Variants in ZPLD1 observed in about 807,000 individuals in gnomAD.
ZPLD1 encodes the protein zona pellucida-like domain-containing protein 1.
Under a neutral mutation model 47.2 loss-of-function variants are expected in ZPLD1, and 34 were observed. That is an observed-to-expected ratio of 0.72 (90% CI 0.55 to 0.96). ZPLD1 has a LOEUF of 0.96. Ranked by LOEUF, ZPLD1 falls within the 40% of genes least tolerant of loss-of-function variation. The probability of loss-of-function intolerance (pLI) is 0.00; values close to 1 mark genes in which losing one functional copy is unlikely to be tolerated. For synonymous variants in ZPLD1, 176 were observed against 186.2 expected (o/e 0.95, Z 0.45); for missense variants, 512 against 505.8 (o/e 1.01, Z -0.12).
At chr3:102,414,232 G>A (rs1706778929) in intron 7 of ZPLD1, among the ~76,000 whole-genome samples, 2 of 151,862 alleles carry the variant, frequency 1.3e-5, no homozygotes, top group African/African-American at 4.8e-5. Flanking sequence ...TGTATTGAAA[G>A]TATAGCAGTA....
chr3:102,412,508 G>T (rs1442120870), intron 7 of ZPLD1, among the ~76,000 whole-genome samples: 1 of 151,762 alleles, frequency 6.6e-6, no homozygotes. Flanking sequence ...AAGAATGATT[G>T]AAGGAACTTA....
chr3:102,403,795 C>A (rs912312976), intron 7 of ZPLD1, among the ~76,000 whole-genome samples: 1 of 151,808 alleles, frequency 6.6e-6, no homozygotes, highest in Non-Finnish European at 1.5e-5. Context: ...GAGTAACAGG[C>A]GGTGTGAATT....
chr3:102,467,663 A>G (rs545397207), intron 8 of ZPLD1, among the ~76,000 whole-genome samples: 16 of 152,246 alleles, frequency 1.1e-4, no homozygotes, highest in Admixed American at 8.5e-4. Flanking sequence ...AATATACCAT[A>G]ATAAAACCTA....
chr3:102,434,664 T>A (rs1707059257), upstream of ZPLD1, among the ~76,000 whole-genome samples: 1 of 152,178 alleles, frequency 6.6e-6, no homozygotes, highest in Non-Finnish European at 1.5e-5. Context: ...GCCATTATCA[T>A]CTCAGACTGT....
chr3:102,438,563 T>C lies in ZPLD1; in HGVS notation c.76T>C (p.Cys26Arg). ...GTCTGCTCAGTTCAACGGCTACAAC[T>C]GTGATGCCAACCTCCACAGTAGATT... ...PGSAQFNGYN[C>R]DANLHSRFPA... Residue 26 changes from cysteine (C) to arginine (R), a missense_variant, in exon 3 of 12, where the codon TGT becomes CGT. Transcript: ENST00000466937. The C allele has an allele frequency of 6.2e-7, 1 of 1,613,872 alleles. No individual in the cohort carries two copies. The highest frequency in any genetic ancestry group is 8.5e-7 in the Non-Finnish European group (1 of 1,179,760).
chr3:102,479,423 T>A lies in ZPLD1; in HGVS notation c.*1805T>A, dbSNP rs1389810344. On this transcript the variant is annotated 3_prime_UTR_variant, in exon 12 of 12. Transcript: ENST00000466937. ...ATTAAGTTCTGTGAATAGGACATTA[T>A]ATCATTTAAGCTGTTTTGTCAATTT... is the stretch of plus-strand genomic sequence containing the variant. 6.6e-6 allele frequency: 1 copy of A among 152,212 alleles called. No individual in the cohort carries two copies. The highest frequency in any genetic ancestry group is 2.4e-5 in the African/African-American group (1 of 41,464). 9.4% of individuals were successfully genotyped at this position (152,212 alleles called of 1,614,324 possible).
chr3:102,477,759 A>T lies in ZPLD1; in HGVS notation c.*141A>T. The T allele has an allele frequency of 1.3e-6, 1 of 764,276 alleles. No homozygotes were observed. Among genetic ancestry groups the T allele is most frequent in the East Asian group, 3.0e-5 (1 of 33,222 alleles). 47.3% of individuals were successfully genotyped at this position (764,276 alleles called of 1,614,324 possible). A position where few individuals can be genotyped will look rare whatever the true frequency, so the allele number is the denominator to read the frequency against. ...AAATTTCACAGTATAGCTTGTCAGCATAATGATAGTGAAAGAAGTTTATTA... is the reference window on the plus strand; with the variant it reads ...AAATTTCACAGTATAGCTTGTCAGCTTAATGATAGTGAAAGAAGTTTATTA... On this transcript the variant is annotated 3_prime_UTR_variant, in exon 12 of 12. Transcript: ENST00000466937.
chr3:102,453,285 C>T, intron 4 of ZPLD1, 146 bp downstream of exon 4: 1 of 726,436 alleles, frequency 1.4e-6, no homozygotes. Context: ...TTGAGGCATG[C>T]ACTAGCAAAT....
chr3:102,425,287 A>T (rs1387273921), intron 8 of ZPLD1, among the ~76,000 whole-genome samples: 1 of 152,094 alleles, frequency 6.6e-6, no homozygotes, highest in Non-Finnish European at 1.5e-5. Flanking sequence ...TGCCATGATG[A>T]ATCTTGGTTT....
At chr3:102,427,105 G>T (rs2107311095) in intron 8 of ZPLD1, among the ~76,000 whole-genome samples, 1 of 152,194 alleles carries the variant, frequency 6.6e-6, no homozygotes, top group African/African-American at 2.4e-5. Flanking sequence ...GAACAGGGGT[G>T]AAAATGTGTT....
In ZPLD1 at chr3:102,464,212, G is replaced by T. The variant is rs1307940576; in HGVS notation, c.722G>T (p.Gly241Val). The change falls in exon 8 of 12, where the codon GGA becomes GTA. Residue 241 changes from glycine to valine, a missense_variant. By Grantham distance (109) the Gly-to-Val change is moderately radical. Coordinates refer to ENST00000466937, the MANE Select transcript of ZPLD1 (RefSeq NM_001329788.2). ...LMDYCYTTPSGNPNDDIRYDL... is the reference protein window; with the variant it reads ...LMDYCYTTPSVNPNDDIRYDL... ...GATTATTGCTATACTACCCCATCAG[G>T]AAACCCAAATGATGACATTCGATAT... The T allele has an allele frequency of 1.2e-6, 2 of 1,613,246 alleles. No homozygotes were observed. The highest frequency in any genetic ancestry group is 1.7e-6 in the Non-Finnish European group (2 of 1,179,348).
intron 5 of ZPLD1, among the ~76,000 whole-genome samples, chr3:102,456,973 TG>T (rs1306674617): frequency 6.6e-6 from 1 of 152,240 alleles, no homozygotes; most frequent in Non-Finnish European, 1.5e-5. Context: ...TATTCACGTA[TG>T]CATTATTTCC....
intron 7 of ZPLD1, among the ~76,000 whole-genome samples, chr3:102,395,053 AGAAGG>A (rs1219493963): frequency 6.6e-6 from 1 of 152,106 alleles, no homozygotes; most frequent in African/African-American, 2.4e-5. Flanking sequence ...GTGGGGTAGT[AGAAGG>A]AGGGATCAGG....
upstream of ZPLD1, among the ~76,000 whole-genome samples, chr3:102,430,061 G>A (rs190205187): frequency 5.3e-3 from 814 of 152,238 alleles, 4 homozygotes; most frequent in Non-Finnish European, 7.2e-3. Flanking sequence ...AGTCTTCAAT[G>A]ATTTTCCATT....
intron 6 of ZPLD1, among the ~76,000 whole-genome samples, chr3:102,388,555 C>T (rs934519884): frequency 2.0e-5 from 3 of 151,802 alleles, no homozygotes; most frequent in African/African-American, 7.3e-5. Context: ...ATGTTCTCCT[C>T]TACTCCCTAA....
chr3:102,475,377 G>A (rs148775161), intron 10 of ZPLD1, among the ~76,000 whole-genome samples: 1 of 152,208 alleles, frequency 6.6e-6, no homozygotes, highest in Non-Finnish European at 1.5e-5. Context: ...AGGGCATCTA[G>A]TCATAGCACT....
At chr3:102,451,334 A>G (rs1467217203) in intron 3 of ZPLD1, among the ~76,000 whole-genome samples, 1 of 152,238 alleles carries the variant, frequency 6.6e-6, no homozygotes, top group African/African-American at 2.4e-5. Context: ...ACATGCCATC[A>G]TTCACCAAAA....
At chr3:102,451,738 C>A (rs768258256) in intron 3 of ZPLD1, among the ~76,000 whole-genome samples, 1 of 152,068 alleles carries the variant, frequency 6.6e-6, no homozygotes, top group African/African-American at 2.4e-5. Context: ...CTTGGGTGTG[C>A]CTGGGCTTGT....
In ZPLD1 at chr3:102,456,334, T is replaced by C; in HGVS notation, c.469T>C (p.Tyr157His). Residue 157 changes from tyrosine to histidine, a missense_variant, in exon 5 of 12, where the codon TAT (tyrosine) becomes CAT (histidine). Tyr to His is a moderately conservative substitution (Grantham distance 83, BLOSUM62 2). Transcript: ENST00000466937. The part of the protein sequence containing the change: ...PGLLYKFSCS[Y>H]PLEYLVNNTQ... ...GCTTCTTTACAAATTTAGTTGTAGT[T>C]ATCCATTGGAATACCTGGTTAATAA... 6.2e-7 allele frequency: 1 copy of C among 1,613,690 alleles called. No homozygotes were observed. The highest frequency in any genetic ancestry group is 8.5e-7 in the Non-Finnish European group (1 of 1,179,770).
Sources: gnomAD v4.1 joint callset for allele counts (sites outside exome capture counted in the v4.1 genomes callset) on GRCh38, gnomAD v4.1.1 for gene constraint, MANE v1.5 for transcripts, NCBI Gene and HGNC (gene_info 2026-07-23, HGNC 2026-07-21) for gene names.